Variants in FBXO16 observed in about 807,000 individuals in gnomAD.
The protein encoded by FBXO16 is F-box protein 16, also known as F-box only protein 16.
A neutral mutation model predicts 41.0 loss-of-function variants in FBXO16; 31 were observed. The ratio of observed to expected loss-of-function variants is 0.76; its 90% confidence interval spans 0.57 to 1.02. The LOEUF (loss-of-function observed/expected upper bound fraction) is 1.02. Ranked by LOEUF, FBXO16 falls within the 50% of genes least tolerant of loss-of-function variation. The pLI is 0.00. For missense variants in FBXO16, 361 were observed against 346.2 expected, an observed-to-expected ratio of 1.04 and a Z score of -0.34; for synonymous variants, 133 against 117.8, an observed-to-expected ratio of 1.13 and a Z score of -0.84.
chr8:28,441,220 C>G (rs1563358428), intron 7 of FBXO16, among the ~76,000 whole-genome samples: 1 of 152,098 alleles, frequency 6.6e-6, no homozygotes, highest in Non-Finnish European at 1.5e-5. Flanking sequence ...CCTCTTTCCT[C>G]CCTACTCCCT....
At chr8:28,434,839 T>C (rs555875231) in intron 7 of FBXO16, among the ~76,000 whole-genome samples, 4 of 152,228 alleles carry the variant, frequency 2.6e-5, no homozygotes, top group Non-Finnish European at 5.9e-5. Context: ...AGGAGCAAGC[T>C]CCGTGCAGGG....
chr8:28,458,095 C>T (rs1803065484), intron 4 of FBXO16, among the ~76,000 whole-genome samples: 1 of 152,190 alleles, frequency 6.6e-6, no homozygotes, highest in Admixed American at 6.5e-5. Flanking sequence ...AAACTGGCCT[C>T]TTTTTCAAGA....
rs566309589 is a variant in FBXO16 at position 28,455,162 on chromosome 8, A to C, written c.507+1604T>G. ...TTGATCTCGGCTCACTGCAACCTCCACCTCCTGGGTTCAAGTGATCCTCCT... is the reference window on the plus strand; with the variant it reads ...TTGATCTCGGCTCACTGCAACCTCCCCCTCCTGGGTTCAAGTGATCCTCCT... On this transcript the variant is annotated intron_variant, in intron 5 of 8. Transcript: ENST00000380254. 4.3e-3 allele frequency among the ~76,000 whole-genome samples: 646 copies of C among 149,198 alleles called. 2 individuals are homozygous for C. Among genetic ancestry groups the C allele is most frequent in the African/African-American group, 0.015 (620 of 40,244 alleles).
At chr8:28,477,525 T>C (rs1803441852) in intron 2 of FBXO16, among the ~76,000 whole-genome samples, 1 of 151,854 alleles carries the variant, frequency 6.6e-6, no homozygotes, top group Admixed American at 6.6e-5. Flanking sequence ...GAAACCAGAG[T>C]TTTCAACTCC....
chr8:28,481,735 G>A (rs919526479), intron 2 of FBXO16, among the ~76,000 whole-genome samples: 3 of 151,552 alleles, frequency 2.0e-5, no homozygotes, highest in African/African-American at 4.9e-5. Context: ...GCTTGAACCC[G>A]GGAGGTGGAG....
rs1479756535 is a variant in FBXO16, at chr8:28,428,654, G to C, written c.*73C>G. ...CATGAGAATTTCAGCTGTGGTGGCAGTGTCTGGGAGTCCCACTGACTCAGG... is the reference window on the plus strand; with the variant it reads ...CATGAGAATTTCAGCTGTGGTGGCACTGTCTGGGAGTCCCACTGACTCAGG... On this transcript the variant is annotated 3_prime_UTR_variant, in exon 9 of 9. Coordinates refer to ENST00000380254, the MANE Select transcript of FBXO16 (RefSeq NM_172366.4). The C allele has an allele frequency of 1.3e-6, 2 of 1,560,336 alleles. No individual in the cohort carries two copies. Among genetic ancestry groups the C allele is most frequent in the South Asian group, 1.2e-5 (1 of 84,460 alleles).
At position 28,454,191 on chromosome 8, in the gene FBXO16, C is replaced by T. The variant is rs550253694; in HGVS notation, c.508-1715G>A. Among the ~76,000 whole-genome samples, 9 of 151,810 alleles carry T rather than the reference C, an allele frequency of 5.9e-5. 1 individual carries two copies. In the East Asian group the frequency reaches 1.7e-3, roughly 29 times the overall value. ...TCAATGAATGACTGTAACCTAGAAG[C>T]AGATTAAGAAGACATTTCATATTTA... On this transcript the variant is annotated intron_variant, in intron 5 of 8. Transcript: ENST00000380254.
intron 4 of FBXO16, among the ~76,000 whole-genome samples, chr8:28,458,544 C>CTT (rs34617439): frequency 0.025 from 2,193 of 87,318 alleles, 26 homozygotes; most frequent in African/African-American, 0.031. Flanking sequence ...TCTTCTTCTT[C>CTT]TTTTTTTTTT....
intron 7 of FBXO16, among the ~76,000 whole-genome samples, chr8:28,440,923 CAA>C (rs746451612): frequency 9.6e-4 from 146 of 152,230 alleles, no homozygotes; most frequent in Non-Finnish European, 8.2e-4. Flanking sequence ...AGAAAAGAAA[CAA>C]GATGTCAGCT....
intron 2 of FBXO16, among the ~76,000 whole-genome samples, chr8:28,481,230 A>G (rs373117029): frequency 4.6e-4 from 70 of 152,302 alleles, no homozygotes; most frequent in African/African-American, 1.6e-3. Context: ...GGAATCTTAG[A>G]AAGATCTCTC....
At position 28,483,378 on chromosome 8, in the gene FBXO16, T is replaced by C; in HGVS notation, c.69A>G (p.Thr23=). Residue 23 remains threonine (T), a synonymous_variant, in exon 2 of 9, where the codon ACA becomes ACG. Transcript: ENST00000380254. ...CATTCAATAGCTGATGGTTTAGGGG[T>C]GTCCAGGTGCTCATCTTTGTCTGCA... ...PKMQTKMSTW[T]PLNHQLLNDR... is the part of the protein sequence containing the mutation. The C allele has an allele frequency of 1.9e-6, 3 of 1,614,142 alleles. No homozygotes were observed. The highest frequency in any genetic ancestry group is 2.5e-6 in the Non-Finnish European group (3 of 1,180,016).
At chr8:28,466,953 G>GT (rs1188747620) in intron 3 of FBXO16, among the ~76,000 whole-genome samples, 1 of 146,812 alleles carries the variant, frequency 6.8e-6, no homozygotes, top group East Asian at 2.1e-4. Flanking sequence ...ATTTCATTCT[G>GT]TTTTTTTAGA....
intron 1 of FBXO16, among the ~76,000 whole-genome samples, chr8:28,487,540 T>C (rs904925235): frequency 5.3e-5 from 8 of 151,510 alleles, no homozygotes; most frequent in African/African-American, 1.7e-4. Flanking sequence ...ATTACAGGCA[T>C]GCACCACCAT....
chr8:28,483,441 C>T lies in FBXO16; in HGVS notation c.6G>A (p.Met2Ile). The change falls in exon 2 of 9, where the codon ATG (methionine) becomes ATA (isoleucine). Residue 2 changes from methionine (M) to isoleucine (I), a missense_variant. Coordinates refer to ENST00000380254, the MANE Select transcript of FBXO16 (RefSeq NM_172366.4). The part of the protein sequence containing the change: M[M>I]AFAPPKNTDG... ...CTGTGTTTTTTGGAGGTGCAAATGC[C>T]ATCATGAAACAACTGGATATCCTTC... The T allele has an allele frequency of 1.2e-6, 2 of 1,612,988 alleles. No homozygotes were observed. Among genetic ancestry groups the T allele is most frequent in the Non-Finnish European group, 8.5e-7 (1 of 1,179,302 alleles).
chr8:28,433,956 A>ATTTTTTTTTTTT (rs773888558), intron 7 of FBXO16, among the ~76,000 whole-genome samples: 3 of 118,296 alleles, frequency 2.5e-5, no homozygotes, highest in African/African-American at 1.1e-4. Context: ...TCACTCCCTG[A>ATTTTTTTTTTTT]TTTTTTTTTT....
At chr8:28,440,714 G>T (rs897854729) in intron 7 of FBXO16, among the ~76,000 whole-genome samples, 1 of 152,064 alleles carries the variant, frequency 6.6e-6, no homozygotes, top group African/African-American at 2.4e-5. Context: ...AAAAGATAAG[G>T]GCTAATCTAA....
chr8:28,474,140 A>G (rs1167644969), intron 2 of FBXO16, among the ~76,000 whole-genome samples: 1 of 152,032 alleles, frequency 6.6e-6, no homozygotes, highest in East Asian at 1.9e-4. Flanking sequence ...CCTGGGCAAC[A>G]TGGTGAGACT....
At chr8:28,477,293 G>C (rs992911038) in intron 2 of FBXO16, among the ~76,000 whole-genome samples, 14 of 152,126 alleles carry the variant, frequency 9.2e-5, no homozygotes, top group Non-Finnish European at 1.9e-4. Flanking sequence ...AAATTTCACT[G>C]ATCATTGGTG....
intron 7 of FBXO16, 150 bp from the exon 8 acceptor site, chr8:28,429,553 G>A (rs961662745): frequency 6.1e-6 from 5 of 813,412 alleles, no homozygotes; most frequent in African/African-American, 5.1e-5. Context: ...AGAGGATTGG[G>A]CTGAACACAG....
Sources: allele counts gnomAD v4.1 joint callset (sites outside exome capture counted in the v4.1 genomes callset), GRCh38; gene constraint gnomAD v4.1.1; transcripts MANE v1.5; gene names NCBI Gene and HGNC (gene_info 2026-07-23, HGNC 2026-07-21).